Variants in HADH observed in about 807,000 individuals in gnomAD.
HADH encodes the protein hydroxyacyl-CoA dehydrogenase.
HADH carries 24 observed loss-of-function variants against 32.2 expected under a neutral mutation model. The observed-to-expected ratio is 0.75, with a 90% CI of 0.54 to 1.05. HADH has a LOEUF of 1.05. Among genes scored for constraint, HADH ranks in the 50% least tolerant of loss-of-function variants. HADH has a pLI of 0.00. For synonymous variants in HADH, 139 were observed against 152.5 expected, an observed-to-expected ratio of 0.91 and a Z score of 0.65; for missense variants, 350 against 397.1, an observed-to-expected ratio of 0.88 and a Z score of 1.01.
intron 6 of HADH, chr4:108,028,096 A>T: frequency 2.7e-6 from 1 of 374,608 alleles, no homozygotes; most frequent in Non-Finnish European, 4.9e-6. Flanking sequence ...AATAATCATA[A>T]TGTAAAAATC....
chr4:108,027,670 T>C lies in HADH; in HGVS notation c.637-18T>C, dbSNP rs1736110330. 5 of 1,561,824 alleles carry C rather than the reference T, an allele frequency of 3.2e-6. No homozygotes were observed. The South Asian group carries it at 4.4e-5, about 14-fold the overall frequency. On this transcript the variant is annotated intron_variant, in intron 5 of 7. Coordinates refer to ENST00000309522, the MANE Select transcript of HADH (RefSeq NM_005327.7). ...ATGAAAATTTACTAGTTTTTTGTTT[T>C]TCTGTCTCCCAAAACAGGACACTCC... is the stretch of plus-strand genomic sequence containing the variant.
In HADH at chr4:108,034,312, C is replaced by A. The variant is rs982757924; in HGVS notation, c.900C>A (p.Asn300Lys). The A allele has an allele frequency of 3.1e-6, 5 of 1,612,754 alleles. No individual in the cohort carries two copies. The African/African-American group carries it at 5.3e-5, about 17-fold the overall frequency. Residue 300 changes from asparagine to lysine, a missense_variant, in exon 8 of 8, where the codon AAC (asparagine) becomes AAA (lysine). Physicochemically the swap from Asn to Lys is moderately conservative, Grantham distance 94. Coordinates refer to ENST00000309522, the MANE Select transcript of HADH (RefSeq NM_005327.7). ...SPSLNKLVAE[N>K]KFGKKTGEGF... ...CCTTAAATAAGCTGGTAGCAGAGAACAAGTTCGGCAAGAAGACTGGAGAAG... is the reference window on the plus strand; with the variant it reads ...CCTTAAATAAGCTGGTAGCAGAGAAAAAGTTCGGCAAGAAGACTGGAGAAG...
chr4:108,025,569 CATAA>C (rs1367540119), intron 5 of HADH: 1 of 152,144 alleles, frequency 6.6e-6, no homozygotes, highest in Admixed American at 6.5e-5. Flanking sequence ...AATTTGATTA[CATAA>C]AATAAAATTA....
intron 1 of HADH, among the ~76,000 whole-genome samples, chr4:108,009,314 A>G (rs976290044): frequency 2.6e-5 from 4 of 152,226 alleles, no homozygotes; most frequent in Non-Finnish European, 5.9e-5. Flanking sequence ...ACTTTGAAAT[A>G]TGGCTAGTGC....
chr4:108,008,376 A>G (rs531463721), intron 1 of HADH, among the ~76,000 whole-genome samples: 1 of 152,312 alleles, frequency 6.6e-6, no homozygotes, highest in Admixed American at 6.5e-5. Context: ...AGGCTCAGAC[A>G]TGAGCCCACT....
At chr4:108,016,664 A>G (rs535719968) in intron 3 of HADH, among the ~76,000 whole-genome samples, 1 of 152,360 alleles carries the variant, frequency 6.6e-6, no homozygotes, top group Non-Finnish European at 1.5e-5. Flanking sequence ...TGTCTGGTAC[A>G]GAAGAAGGAT....
intron 3 of HADH, among the ~76,000 whole-genome samples, chr4:108,016,437 T>G (rs1488649845): frequency 6.6e-6 from 1 of 152,184 alleles, no homozygotes; most frequent in African/African-American, 2.4e-5. Flanking sequence ...ATCAGTGTCC[T>G]CGTGCATTTC....
intron 1 of HADH, among the ~76,000 whole-genome samples, chr4:107,998,426 T>C (rs1157439424): frequency 6.6e-6 from 1 of 152,156 alleles, no homozygotes; most frequent in Non-Finnish European, 1.5e-5. Flanking sequence ...ATTGCAGGCG[T>C]GCACCACCAT....
intron 1 of HADH, among the ~76,000 whole-genome samples, chr4:107,997,325 TG>T (rs2126219325): frequency 6.6e-6 from 1 of 152,286 alleles, no homozygotes; most frequent in East Asian, 1.9e-4. Flanking sequence ...GGACATCCAG[TG>T]GAACTGTTGA....
chr4:108,014,604 A>G lies in HADH; in HGVS notation c.419+16A>G. On this transcript the variant is annotated intron_variant, in intron 3 of 7. Coordinates refer to ENST00000309522, the MANE Select transcript of HADH (RefSeq NM_005327.7). ...TTGCTGCTGAGTATGTAACCTCTGG[A>G]CAATCTTCTTTTTTTTTTTTTTTAA... is the stretch of plus-strand genomic sequence containing the variant. 6.3e-7 allele frequency: 1 copy of G among 1,596,110 alleles called. No homozygotes were observed. The highest frequency in any genetic ancestry group is 8.6e-7 in the Non-Finnish European group (1 of 1,167,474).
chr4:108,020,267 T>G (rs1347310789), intron 4 of HADH, among the ~76,000 whole-genome samples: 1 of 152,052 alleles, frequency 6.6e-6, no homozygotes, highest in Non-Finnish European at 1.5e-5. Context: ...ACCCAGGGGT[T>G]CAAGAACAGC....
chr4:108,019,230 C>G lies in HADH; in HGVS notation c.420-310C>G, dbSNP rs950053037. Among the ~76,000 whole-genome samples, 11 of 152,220 alleles carry G rather than the reference C, an allele frequency of 7.2e-5. 1 individual carries two copies. The highest frequency in any genetic ancestry group is 2.6e-4 in the African/African-American group (11 of 41,518). On this transcript the variant is annotated intron_variant, in intron 3 of 7. Coordinates refer to ENST00000309522, the MANE Select transcript of HADH (RefSeq NM_005327.7). ...AGCCACCTCTTGTTATCTCACATACCTTGGAAGTTAACTAATACAAGTAGG... is the reference window on the plus strand; with the variant it reads ...AGCCACCTCTTGTTATCTCACATACGTTGGAAGTTAACTAATACAAGTAGG...
intron 1 of HADH, among the ~76,000 whole-genome samples, chr4:107,997,738 A>G (rs1331035324): frequency 6.6e-6 from 1 of 152,052 alleles, no homozygotes; most frequent in African/African-American, 2.4e-5. Context: ...TGAGTTCTCA[A>G]TGGATTGATT....
At chr4:108,019,497 A>G in intron 3 of HADH, 43 bp from the exon 4 acceptor site, 1 of 1,593,372 alleles carries the variant, frequency 6.3e-7, no homozygotes, top group Non-Finnish European at 8.6e-7. Flanking sequence ...GTTTTGAAAG[A>G]AGAGATTCAC....
At position 107,989,968 on chromosome 4, in the gene HADH, GTCC is replaced by G. The variant is rs770646232; in HGVS notation, c.42_44del (p.Ser16del). On this transcript the variant is annotated inframe_deletion, in exon 1 of 8. Coordinates refer to ENST00000309522, the MANE Select transcript of HADH (RefSeq NM_005327.7). ...TCACCAGGCAGTTCATGCGTTCCGTGTCCTCCTCGTCCACCGCCTCGGCCTCGG... is the reference window on the plus strand; with the variant it reads ...TCACCAGGCAGTTCATGCGTTCCGTGTCCTCGTCCACCGCCTCGGCCTCGG... 2 of 1,612,886 alleles carry G rather than the reference GTCC, an allele frequency of 1.2e-6. No individual in the cohort carries two copies. The highest frequency in any genetic ancestry group is 2.7e-5 in the African/African-American group (2 of 74,926).
chr4:108,027,465 G>T, intron 5 of HADH: 1 of 604,454 alleles, frequency 1.7e-6, no homozygotes, highest in Non-Finnish European at 3.0e-6. Flanking sequence ...CAGGATCTGT[G>T]CAGTGGGGCA....
chr4:108,027,584 G>A (rs1041044358), intron 5 of HADH, 104 bp from the exon 6 acceptor site: 2 of 788,072 alleles, frequency 2.5e-6, no homozygotes, highest in African/African-American at 3.4e-5. Context: ...TGATAAATGG[G>A]GGCAAACATG....
chr4:107,998,036 C>T (rs1477592824), intron 1 of HADH, among the ~76,000 whole-genome samples: 1 of 152,178 alleles, frequency 6.6e-6, no homozygotes, highest in Non-Finnish European at 1.5e-5. Flanking sequence ...TTGACTTTAC[C>T]AACAAATGTC....
intron 1 of HADH, among the ~76,000 whole-genome samples, chr4:107,993,225 C>T (rs138005889): frequency 6.6e-6 from 1 of 152,282 alleles, no homozygotes; most frequent in East Asian, 1.9e-4. Context: ...TGAGGTAGGC[C>T]TGTAAGGTTT....
Sources: allele counts gnomAD v4.1 joint callset (sites outside exome capture counted in the v4.1 genomes callset), GRCh38; gene constraint gnomAD v4.1.1; transcripts MANE v1.5; gene names NCBI Gene and HGNC (gene_info 2026-07-23, HGNC 2026-07-21).